Variants in CNTN4 observed in about 807,000 individuals in gnomAD.
CNTN4 encodes contactin-4.
Under a neutral mutation model 122.5 loss-of-function variants are expected in CNTN4, and 77 were observed. That is an observed-to-expected ratio of 0.63 (90% CI 0.52 to 0.76). The LOEUF (loss-of-function observed/expected upper bound fraction) is 0.76. Ranked by LOEUF, CNTN4 falls within the 30% of genes least tolerant of loss-of-function variation. CNTN4 has a pLI of 0.00. For missense variants in CNTN4, 1,256 were observed against 1,259.1 expected (o/e 1.00, Z 0.04); for synonymous variants, 512 against 447.0 (o/e 1.15, Z -1.83).
chr3:2,384,791 C>T (rs1428802134), intron 3 of CNTN4, among the ~76,000 whole-genome samples: 1 of 145,522 alleles, frequency 6.9e-6, no homozygotes, highest in Non-Finnish European at 1.5e-5. Context: ...TGTGTGTGTT[C>T]ATGTTACCTC....
chr3:2,707,199 A>G (rs1350154486), intron 4 of CNTN4, among the ~76,000 whole-genome samples: 1 of 151,798 alleles, frequency 6.6e-6, no homozygotes, highest in Admixed American at 6.6e-5. Context: ...CCAGCTACTC[A>G]GGAGCCTGAG....
chr3:2,803,859 C>T (rs2150079285), intron 6 of CNTN4, among the ~76,000 whole-genome samples: 1 of 152,096 alleles, frequency 6.6e-6, no homozygotes, highest in East Asian at 1.9e-4. Flanking sequence ...CCAAGCCCGG[C>T]AGTAATTCTT....
chr3:2,114,399 A>G (rs1297157100), intron 2 of CNTN4, among the ~76,000 whole-genome samples: 1 of 152,116 alleles, frequency 6.6e-6, no homozygotes, highest in Non-Finnish European at 1.5e-5. Context: ...AGTTGAGGCT[A>G]CAGTGTGCTG....
intron 3 of CNTN4, among the ~76,000 whole-genome samples, chr3:2,381,257 C>T (rs951479723): frequency 6.6e-6 from 1 of 152,142 alleles, no homozygotes; most frequent in Non-Finnish European, 1.5e-5. Context: ...CCACCCGCCT[C>T]GGCCTCCCAA....
At chr3:2,707,142 A>T (rs2086789413) in intron 4 of CNTN4, among the ~76,000 whole-genome samples, 2 of 151,758 alleles carry the variant, frequency 1.3e-5, no homozygotes, top group African/African-American at 4.9e-5. Flanking sequence ...TCTATAGAAA[A>T]AAAATACAAA....
chr3:2,190,815 CACACACACACACACACACAT>C (rs1418564913), intron 2 of CNTN4, among the ~76,000 whole-genome samples: 6 of 150,464 alleles, frequency 4.0e-5, no homozygotes, highest in Non-Finnish European at 8.9e-5. Flanking sequence ...TGCACACACA[CACACACACACACACACACAT>C]ACACACACAC....
At chr3:2,171,563 A>G (rs1219322019) in intron 2 of CNTN4, among the ~76,000 whole-genome samples, 2 of 152,188 alleles carry the variant, frequency 1.3e-5, no homozygotes, top group South Asian at 2.1e-4. Flanking sequence ...GCTATTTCCA[A>G]TTTGGGTTAA....
chr3:2,259,091 T>A (rs2040717637), intron 2 of CNTN4, among the ~76,000 whole-genome samples: 1 of 152,188 alleles, frequency 6.6e-6, no homozygotes. Flanking sequence ...TAGTGATTTT[T>A]TTTTTTGGCT....
At chr3:2,306,743 C>T (rs1480177406) in intron 2 of CNTN4, among the ~76,000 whole-genome samples, 1 of 152,032 alleles carries the variant, frequency 6.6e-6, no homozygotes, top group Non-Finnish European at 1.5e-5. Flanking sequence ...ATATTCCATT[C>T]CATGAACACG....
At position 2,270,037 on chromosome 3, in the gene CNTN4, C is replaced by A. The variant is rs577357323; in HGVS notation, c.-144-69141C>A. 9.2e-5 allele frequency among the ~76,000 whole-genome samples: 9 copies of A among 97,522 alleles called. 4 individuals carry two copies. The South Asian group carries it at 4.2e-3, about 45-fold the overall frequency. The allele number at this position is 97,522 out of a possible 152,430, so 64.0% of individuals were successfully genotyped here. ...CAATCTCGGCTCACTGCAAGCTCCG[C>A]TTCCCGGGTTCACGCCATTCTCCTG... On this transcript the variant is annotated intron_variant, in intron 2 of 24. Transcript: ENST00000418658.
At chr3:2,157,860 A>G (rs188125176) in intron 2 of CNTN4, among the ~76,000 whole-genome samples, 250 of 152,348 alleles carry the variant, frequency 1.6e-3, no homozygotes, top group Middle Eastern at 6.8e-3. Flanking sequence ...CATAGCTATC[A>G]AATAAATCAT....
At chr3:2,412,004 G>C (rs1312750407) in intron 3 of CNTN4, among the ~76,000 whole-genome samples, 2 of 152,128 alleles carry the variant, frequency 1.3e-5, no homozygotes, top group Non-Finnish European at 2.9e-5. Flanking sequence ...GAGGTAATTT[G>C]TCTTCTGACT....
Position 2,305,094 on chromosome 3 carries a change from T to G in CNTN4, c.-144-34084T>G, listed in dbSNP as rs1329122578. Among the ~76,000 whole-genome samples the G allele has an allele frequency of 5.3e-5, 8 of 152,240 alleles. No individual in the cohort carries two copies. The East Asian group carries it at 1.5e-3, about 29-fold the overall frequency. On this transcript the variant is annotated intron_variant, in intron 2 of 24. Coordinates refer to ENST00000418658, the MANE Select transcript of CNTN4 (RefSeq NM_175607.3). ...TGCTGCTATGACCTTTATATTCATTTTATGCTCAGAGCTATCAATTGTTTT... is the reference window on the plus strand; with the variant it reads ...TGCTGCTATGACCTTTATATTCATTGTATGCTCAGAGCTATCAATTGTTTT...
At chr3:2,218,818 A>G (rs1047227526) in intron 2 of CNTN4, among the ~76,000 whole-genome samples, 5 of 152,328 alleles carry the variant, frequency 3.3e-5, no homozygotes, top group Admixed American at 1.3e-4. Context: ...TCATCACGAT[A>G]GGAGTGGTTT....
intron 13 of CNTN4, among the ~76,000 whole-genome samples, chr3:2,948,662 TG>T (rs2094704642): frequency 6.6e-6 from 1 of 152,322 alleles, no homozygotes; most frequent in South Asian, 2.1e-4. Context: ...ACTCATTTGG[TG>T]GCAAAACCAA....
At chr3:2,805,713 C>T (rs1003780718) in intron 6 of CNTN4, among the ~76,000 whole-genome samples, 3 of 151,926 alleles carry the variant, frequency 2.0e-5, no homozygotes, top group Non-Finnish European at 4.4e-5. Flanking sequence ...GGAACCAGGT[C>T]GTGGATGCCA....
intron 8 of CNTN4, 140 bp from the exon 9 acceptor site, chr3:2,883,005 G>A: frequency 1.5e-6 from 1 of 665,844 alleles, no homozygotes; most frequent in African/African-American, 1.8e-5. Flanking sequence ...GACTGCTGGA[G>A]ATAGGACCTG....
intron 3 of CNTN4, among the ~76,000 whole-genome samples, chr3:2,507,494 G>T (rs578124265): frequency 6.6e-6 from 1 of 152,056 alleles, no homozygotes. Flanking sequence ...ATCACTCTGG[G>T]AGGTGATCTT....
At chr3:2,608,369 G>A (rs1964544) in intron 4 of CNTN4, among the ~76,000 whole-genome samples, 35,713 of 152,090 alleles carry the variant, frequency 0.23, 5,365 homozygotes, top group Middle Eastern at 0.36. Flanking sequence ...CTGAGGTGGG[G>A]GGATCACTAG....
Sources: gnomAD v4.1 joint callset for allele counts (sites outside exome capture counted in the v4.1 genomes callset) on GRCh38, gnomAD v4.1.1 for gene constraint, MANE v1.5 for transcripts, NCBI Gene and HGNC (gene_info 2026-07-23, HGNC 2026-07-21) for gene names.